Variants in PPP1R16B observed in about 807,000 individuals in gnomAD.
The protein encoded by PPP1R16B is protein phosphatase 1 regulatory inhibitor subunit 16B.
Under a neutral mutation model 61.7 loss-of-function variants are expected in PPP1R16B, and 14 were observed. That is an observed-to-expected ratio of 0.23 (90% CI 0.15 to 0.35). The LOEUF (loss-of-function observed/expected upper bound fraction) is 0.35, where lower values mean the gene tolerates loss of function less well. Among genes scored for constraint, PPP1R16B ranks in the 10% least tolerant of loss-of-function variants. The probability of loss-of-function intolerance (pLI) is 1.00; values close to 1 mark genes in which losing one functional copy is unlikely to be tolerated. For missense variants in PPP1R16B, 547 were observed against 752.5 expected (o/e 0.73, Z 3.19); for synonymous variants, 266 against 305.3 (o/e 0.87, Z 1.34).
intron 2 of PPP1R16B, among the ~76,000 whole-genome samples, chr20:38,871,331 T>G (rs2085127744): frequency 6.6e-6 from 1 of 151,994 alleles, no homozygotes; most frequent in African/African-American, 2.4e-5. Flanking sequence ...AAACCTGCAC[T>G]CAAACAAGCA....
intron 1 of PPP1R16B, among the ~76,000 whole-genome samples, chr20:38,821,936 A>G (rs1190332305): frequency 6.7e-6 from 1 of 149,806 alleles, no homozygotes; most frequent in Admixed American, 6.7e-5. Context: ...TACATCCTAA[A>G]TGTTGTGAAT....
chr20:38,842,587 A>C (rs1275240996), intron 2 of PPP1R16B, among the ~76,000 whole-genome samples: 1 of 152,138 alleles, frequency 6.6e-6, no homozygotes, highest in Non-Finnish European at 1.5e-5. Flanking sequence ...CTTTTCTTTA[A>C]ATGAGATATT....
chr20:38,863,083 C>T (rs1334557959), intron 2 of PPP1R16B, among the ~76,000 whole-genome samples: 1 of 152,124 alleles, frequency 6.6e-6, no homozygotes, highest in Admixed American at 6.5e-5. Flanking sequence ...TGTGGGCTCT[C>T]CCAGCCCAGA....
At chr20:38,889,833 CGT>C (rs1181969128) in intron 3 of PPP1R16B, among the ~76,000 whole-genome samples, 168 bp downstream of exon 3, 1 of 152,208 alleles carries the variant, frequency 6.6e-6, no homozygotes, top group Non-Finnish European at 1.5e-5. Flanking sequence ...TGGAGATACG[CGT>C]GTCTGTTACT....
In PPP1R16B at chr20:38,918,949, G is replaced by T; in HGVS notation, c.*283G>T. The T allele has an allele frequency of 2.7e-6, 1 of 371,384 alleles. No homozygotes were observed. The highest frequency in any genetic ancestry group is 6.9e-5 in the South Asian group (1 of 14,496). 23.0% of individuals were successfully genotyped at this position (371,384 alleles called of 1,614,324 possible). A position where few individuals can be genotyped will look rare whatever the true frequency, so the allele number is the denominator to read the frequency against. ...TTGGGAGGGTGGGCTTGAGATCCCA[G>T]CTCTATTCTTGGTATAAAGGCTTCT... On this transcript the variant is annotated 3_prime_UTR_variant, in exon 11 of 11. Coordinates refer to ENST00000299824, the MANE Select transcript of PPP1R16B (RefSeq NM_015568.4). This position sits in a 1 kb window ranked among gnomAD's most constrained non-coding sequence, Gnocchi z 5.3.
intron 2 of PPP1R16B, among the ~76,000 whole-genome samples, chr20:38,848,419 G>A (rs1184118289): frequency 6.6e-6 from 1 of 152,200 alleles, no homozygotes; most frequent in African/African-American, 2.4e-5. Context: ...CTGTAATGAA[G>A]GGTAACTCTC....
Position 38,806,204 on chromosome 20 carries a change from C to A in PPP1R16B, c.-102+412C>A, listed in dbSNP as rs994654673. On this transcript the variant is annotated intron_variant, in intron 1 of 10. Transcript: ENST00000299824. This position sits in a 1 kb window ranked among gnomAD's most constrained non-coding sequence, Gnocchi z 4.5. The stretch of plus-strand genomic sequence containing the variant: ...GGAGCCACAGCGGACACCAAACAAC[C>A]CCCCCCCGCGCACTCTCCCGGCCGG... Among the ~76,000 whole-genome samples, 27 of 152,074 alleles carry A rather than the reference C, an allele frequency of 1.8e-4. No individual in the cohort carries two copies. The highest frequency in any genetic ancestry group is 5.5e-4 in the African/African-American group (23 of 41,510).
intron 2 of PPP1R16B, among the ~76,000 whole-genome samples, chr20:38,888,857 T>TG (rs1344698465): frequency 8.6e-5 from 11 of 128,588 alleles, no homozygotes; most frequent in Admixed American, 1.7e-4. Context: ...CTGGCCTCCC[T>TG]GCCCACCCAG....
At chr20:38,857,387 G>A (rs2085015628) in intron 2 of PPP1R16B, among the ~76,000 whole-genome samples, 1 of 152,104 alleles carries the variant, frequency 6.6e-6, no homozygotes, top group South Asian at 2.1e-4. Context: ...GGATCCTGAA[G>A]AGCCTAACTG....
At chr20:38,810,195 T>A (rs1290307271) in intron 1 of PPP1R16B, among the ~76,000 whole-genome samples, 1 of 152,170 alleles carries the variant, frequency 6.6e-6, no homozygotes, top group Non-Finnish European at 1.5e-5. Context: ...GAACAGCATG[T>A]GCAGAGGCAC....
intron 1 of PPP1R16B, among the ~76,000 whole-genome samples, chr20:38,823,511 C>T (rs2084785629): frequency 6.6e-6 from 1 of 152,104 alleles, no homozygotes; most frequent in Admixed American, 6.5e-5. Context: ...CAGAGTGGCA[C>T]TTGCCTGTAG....
chr20:38,895,810 C>CCTCCCTCCCTTCCTTCTTTCTCCCT, intron 4 of PPP1R16B, 100 bp downstream of exon 4: 2 of 1,099,184 alleles, frequency 1.8e-6, no homozygotes, highest in African/African-American at 1.7e-5. Flanking sequence ...TCTTTCTCTC[C>CCTCCCTCCCTTCCTTCTTTCTCCCT]TCCCTTCCTC....
chr20:38,810,579 C>T (rs1045670615), intron 1 of PPP1R16B, among the ~76,000 whole-genome samples: 1 of 152,220 alleles, frequency 6.6e-6, no homozygotes, highest in African/African-American at 2.4e-5. Context: ...ACTTGTTTCT[C>T]TCTTCCTGGG....
intron 3 of PPP1R16B, 112 bp from the exon 4 acceptor site, chr20:38,895,453 G>A (rs1346211982): frequency 1.6e-6 from 2 of 1,267,268 alleles, no homozygotes; most frequent in Non-Finnish European, 2.2e-6. Flanking sequence ...GATTCAAACA[G>A]GCCTTCCACA....
chr20:38,874,917 G>T (rs1218027410), intron 2 of PPP1R16B, among the ~76,000 whole-genome samples: 1 of 152,134 alleles, frequency 6.6e-6, no homozygotes, highest in Non-Finnish European at 1.5e-5. Flanking sequence ...TTTGCCTTGG[G>T]CTGTTGTAAG....
At position 38,806,311 on chromosome 20, in the gene PPP1R16B, C is replaced by T. The variant is rs933383747; in HGVS notation, c.-102+519C>T. Among the ~76,000 whole-genome samples the T allele has an allele frequency of 6.6e-6, 1 of 152,056 alleles. No individual in the cohort carries two copies. The highest frequency in any genetic ancestry group is 2.4e-5 in the African/African-American group (1 of 41,430). ...GGCGCAGAGAGCGCTCCTGCCCGGG[C>T]GGGAAAGATCCCCAAGGCAGGCGCC... On this transcript the variant is annotated intron_variant, in intron 1 of 10. Coordinates refer to ENST00000299824, the MANE Select transcript of PPP1R16B (RefSeq NM_015568.4). This position sits in a 1 kb window ranked among gnomAD's most constrained non-coding sequence, Gnocchi z 4.5.
intron 1 of PPP1R16B, among the ~76,000 whole-genome samples, chr20:38,809,291 G>A (rs1048074606): frequency 6.6e-6 from 1 of 152,144 alleles, no homozygotes; most frequent in Non-Finnish European, 1.5e-5. Context: ...TCTAGCACCA[G>A]CTTTTCCCCG....
intron 1 of PPP1R16B, among the ~76,000 whole-genome samples, chr20:38,824,703 T>C (rs1185584676): frequency 6.6e-6 from 1 of 152,270 alleles, no homozygotes; most frequent in East Asian, 1.9e-4. Context: ...TCTCTGAGCT[T>C]CAGTGAACAA....
chr20:38,861,881 C>T (rs554560928), intron 2 of PPP1R16B, among the ~76,000 whole-genome samples: 4 of 152,046 alleles, frequency 2.6e-5, no homozygotes, highest in African/African-American at 9.6e-5. Flanking sequence ...TTCACCATCT[C>T]GGCCAGGCTC....
Sources: gnomAD v4.1 joint callset for allele counts (sites outside exome capture counted in the v4.1 genomes callset) on GRCh38, gnomAD v4.1.1 for gene constraint, Gnocchi (gnomAD v3.1) non-coding constraint, MANE v1.5 for transcripts, NCBI Gene and HGNC (gene_info 2026-07-23, HGNC 2026-07-21) for gene names.